The following NRG1 variants were observed in gnomAD, a reference collection of about 807,000 sequenced individuals.
The protein encoded by NRG1 is pro-neuregulin-1, membrane-bound isoform.
A neutral mutation model predicts 63.8 loss-of-function variants in NRG1; 18 were observed. That is an observed-to-expected ratio of 0.28 (90% confidence interval 0.19 to 0.42). The LOEUF is 0.42. NRG1 is among the 10% of genes least tolerant of loss of function. NRG1 has a pLI of 1.00. For missense variants in NRG1, 762 were observed against 814.7 expected (o/e 0.94, Z 0.79); for synonymous variants, 302 against 301.3 (o/e 1.00, Z -0.02).
At chr8:32,414,565 A>T (rs1815590335) in intron 1 of NRG1, among the ~76,000 whole-genome samples, 1 of 152,188 alleles carries the variant, frequency 6.6e-6, no homozygotes, top group Admixed American at 6.5e-5. Context: ...TCTCTGATAG[A>T]TAAAGGCATG....
intron 1 of NRG1, among the ~76,000 whole-genome samples, chr8:31,745,657 T>G (rs1308459254): frequency 6.6e-6 from 1 of 151,870 alleles, no homozygotes; most frequent in Non-Finnish European, 1.5e-5. Context: ...GCCAAGATTC[T>G]TTGAGGGGCA....
chr8:31,679,185 G>T (rs1388062422), intron 1 of NRG1, among the ~76,000 whole-genome samples: 1 of 151,740 alleles, frequency 6.6e-6, no homozygotes, highest in Non-Finnish European at 1.5e-5. Context: ...TTCACCTGTT[G>T]TCTTCTCAAT....
chr8:32,050,677 C>A (rs985719198), intron 1 of NRG1, among the ~76,000 whole-genome samples: 1 of 152,090 alleles, frequency 6.6e-6, no homozygotes, highest in East Asian at 1.9e-4. Flanking sequence ...CATTCTCCTC[C>A]GTACCCAAAG....
intron 1 of NRG1, among the ~76,000 whole-genome samples, chr8:31,867,667 A>G (rs1245521836): frequency 6.6e-6 from 1 of 152,200 alleles, no homozygotes; most frequent in Non-Finnish European, 1.5e-5. Flanking sequence ...TTAGCTGTTC[A>G]GAAAAATATC....
rs1805111312 is a variant in NRG1 at position 31,653,492 on chromosome 8, CA to C, written c.37+14062del. Among the ~76,000 whole-genome samples, 9 of 152,306 alleles carry C rather than the reference CA, an allele frequency of 5.9e-5. No homozygotes were observed. The South Asian group carries it at 1.9e-3, about 32-fold the overall frequency. On this transcript the variant is annotated intron_variant, in intron 1 of 10. Coordinates refer to the NRG1 transcript ENST00000519301. ...CTAACACCGAGGCATAGCCAAACCT[CA>C]CCTCCAGACCAAATTGGCTGAAATA... is the stretch of plus-strand genomic sequence containing the variant.
At chr8:32,707,974 C>A (rs1326681459) in intron 5 of NRG1, among the ~76,000 whole-genome samples, 1 of 151,742 alleles carries the variant, frequency 6.6e-6, no homozygotes, top group Non-Finnish European at 1.5e-5. Context: ...TACAGGGATA[C>A]CTTTTAAATA....
At position 32,646,915 on chromosome 8, in the gene NRG1, G is replaced by GGT. The variant is rs928130503; in HGVS notation, c.502+30030_502+30031insGT. On this transcript the variant is annotated intron_variant, in intron 5 of 11. Transcript: ENST00000356819. The stretch of plus-strand genomic sequence containing the variant: ...GGGGTTGGGAGAGGGGGAGGAAAGA[G>GGT]AGAGAGGAGAGAGGACGGGCTTGGA... 2.6e-5 allele frequency: 26 copies of GGT among 984,880 alleles called. No homozygotes were observed. In the Admixed American group the frequency reaches 1.4e-3, roughly 54 times the overall value. 61.0% of individuals were successfully genotyped at this position (984,880 alleles called of 1,614,324 possible).
intron 1 of NRG1, among the ~76,000 whole-genome samples, chr8:32,000,936 C>G (rs932708689): frequency 4.6e-5 from 7 of 151,800 alleles, no homozygotes; most frequent in Non-Finnish European, 4.4e-5. Context: ...ATTATAAATA[C>G]CCCTATTACA....
chr8:31,888,401 A>G (rs940416994), intron 1 of NRG1, among the ~76,000 whole-genome samples: 12 of 152,162 alleles, frequency 7.9e-5, no homozygotes, highest in African/African-American at 2.7e-4. Context: ...ATTTTAGGAC[A>G]GTGAGGAAAT....
At chr8:31,859,644 T>G (rs550290475) in intron 1 of NRG1, among the ~76,000 whole-genome samples, 1 of 152,368 alleles carries the variant, frequency 6.6e-6, no homozygotes, top group East Asian at 1.9e-4. Flanking sequence ...GTGAGGGATA[T>G]CTGCATATCT....
chr8:32,130,072 C>T (rs567096537), intron 1 of NRG1, among the ~76,000 whole-genome samples: 9 of 151,948 alleles, frequency 5.9e-5, no homozygotes, highest in East Asian at 5.8e-4. Flanking sequence ...CATTGAAAGA[C>T]GGCAGTTTAA....
At chr8:32,705,521 A>G (rs181577982) in intron 5 of NRG1, among the ~76,000 whole-genome samples, 7 of 152,338 alleles carry the variant, frequency 4.6e-5, no homozygotes, top group Non-Finnish European at 1.0e-4. Flanking sequence ...ACAAAAGTAG[A>G]AAATTTGTGA....
chr8:32,066,137 G>T (rs1474994877), intron 1 of NRG1, among the ~76,000 whole-genome samples: 1 of 152,210 alleles, frequency 6.6e-6, no homozygotes, highest in Admixed American at 6.5e-5. Flanking sequence ...TCTGTAGGTT[G>T]CCTGTTCATT....
chr8:32,317,458 C>T (rs1286311717), intron 1 of NRG1, among the ~76,000 whole-genome samples: 1 of 152,184 alleles, frequency 6.6e-6, no homozygotes, highest in East Asian at 1.9e-4. Flanking sequence ...AGAATTTTCT[C>T]ATGCTATGCA....
At chr8:32,741,986 T>G in intron 6 of NRG1, 22 bp from the exon 7 acceptor site, 1 of 1,606,158 alleles carries the variant, frequency 6.2e-7, no homozygotes. Flanking sequence ...TTTTTTTTGC[T>G]TACCACATTT....
intron 5 of NRG1, among the ~76,000 whole-genome samples, chr8:32,629,319 C>T (rs79525950): frequency 0.016 from 2,429 of 152,148 alleles, 34 homozygotes; most frequent in Non-Finnish European, 0.021. Flanking sequence ...CACTTCTTAT[C>T]CATAGTGATG....
chr8:32,659,286 G>C (rs532137451), intron 5 of NRG1, among the ~76,000 whole-genome samples: 1 of 152,034 alleles, frequency 6.6e-6, no homozygotes, highest in South Asian at 2.1e-4. Context: ...GGGGCTACAG[G>C]CATGCACTAT....
chr8:32,527,506 CAT>C (rs1305005652), intron 1 of NRG1, among the ~76,000 whole-genome samples: 1 of 145,530 alleles, frequency 6.9e-6, no homozygotes, highest in African/African-American at 2.5e-5. Flanking sequence ...ATTGGAGACT[CAT>C]AAAGTTGGGA....
intron 1 of NRG1, among the ~76,000 whole-genome samples, chr8:32,148,076 A>G (rs1266730121): frequency 1.3e-5 from 2 of 152,200 alleles, no homozygotes; most frequent in African/African-American, 4.8e-5. Flanking sequence ...TGCAATAATA[A>G]TAATAATAAC....
Sources: allele counts gnomAD v4.1 joint callset (sites outside exome capture counted in the v4.1 genomes callset), GRCh38; gene constraint gnomAD v4.1.1; transcripts MANE v1.5; gene names NCBI Gene and HGNC (gene_info 2026-07-23, HGNC 2026-07-21).